The following MIA3 variants were observed in gnomAD, a reference collection of about 807,000 sequenced individuals.
MIA3 encodes the protein MIA SH3 domain ER export factor 3.
In MIA3, 90 loss-of-function variants were observed where a neutral mutation model predicts 192.4. The ratio of observed to expected loss-of-function variants is 0.47; its 90% CI spans 0.39 to 0.56. The LOEUF (loss-of-function observed/expected upper bound fraction) is 0.56. Among genes scored for constraint, MIA3 ranks in the 20% least tolerant of loss-of-function variants. The pLI is 0.00. For missense variants in MIA3, 2,123 were observed against 2,269.4 expected (o/e 0.94, Z 1.31); for synonymous variants, 740 against 792.8 (o/e 0.93, Z 1.12).
At chr1:222,651,554 T>C (rs565697531) in intron 11 of MIA3, among the ~76,000 whole-genome samples, 1 of 152,188 alleles carries the variant, frequency 6.6e-6, no homozygotes, top group African/African-American at 2.4e-5. Context: ...CTACCATTTT[T>C]AATTTAGGCA....
Position 222,651,871 on chromosome 1 carries a change from G to A in MIA3, c.3910-106G>A, listed in dbSNP as rs201194804. ...ACCTGCTTTTACCTGAAACATAGGG[G>A]ATGGCTCTGGGACATACTTTGTTGA... On this transcript the variant is annotated intron_variant, in intron 11 of 27. Coordinates refer to ENST00000344922, the MANE Select transcript of MIA3 (RefSeq NM_198551.4). 2.3e-5 allele frequency: 17 copies of A among 733,156 alleles called. No individual in the cohort carries two copies. The East Asian group carries it at 2.5e-4, about 11-fold the overall frequency. 45.4% of individuals were successfully genotyped at this position (733,156 alleles called of 1,614,324 possible).
At position 222,655,345 on chromosome 1, in the gene MIA3, A is replaced by G. The variant is rs937909276; in HGVS notation, c.4607+552A>G. ...TTTAGATAATAATCCTCTGAAATAC[A>G]TATCTCAAATTTCGAGCGAGGTACC... On this transcript the variant is annotated intron_variant, in intron 18 of 27. Transcript: ENST00000344922. Among the ~76,000 whole-genome samples, 4 of 152,228 alleles carry G rather than the reference A, an allele frequency of 2.6e-5. No homozygotes were observed. In the South Asian group the frequency reaches 6.2e-4, roughly 24 times the overall value.
intron 6 of MIA3, chr1:222,644,259 C>T: frequency 7.3e-7 from 1 of 1,369,432 alleles, no homozygotes; most frequent in Non-Finnish European, 9.5e-7. Context: ...CCTCGCCGGC[C>T]GGCTCCTTTG....
At chr1:222,635,339 G>C (rs981555190) in intron 6 of MIA3, among the ~76,000 whole-genome samples, 1 of 152,172 alleles carries the variant, frequency 6.6e-6, no homozygotes, top group Non-Finnish European at 1.5e-5. Context: ...GCCTGGGTTG[G>C]GGCATATAGG....
Position 222,632,240 on chromosome 1 carries a change from C to G in MIA3, c.3245C>G (p.Pro1082Arg). The G allele has an allele frequency of 6.2e-7, 1 of 1,614,108 alleles. No individual in the cohort carries two copies. Among genetic ancestry groups the G allele is most frequent in the South Asian group, 1.1e-5 (1 of 91,072 alleles). Residue 1082 changes from proline to arginine, a missense_variant, in exon 5 of 28, where the codon CCC (proline) becomes CGC (arginine). This residue lies in a region of MIA3 where 1,357 missense variants were observed against 1,396.1 expected (regional missense o/e 0.97). Coordinates refer to ENST00000344922, the MANE Select transcript of MIA3 (RefSeq NM_198551.4). ...AELNVQVPEE[P>R]THLDQRVIGD... Reference sequence around the variant, plus strand: ...CTTAATGTGCAGGTTCCTGAAGAACCCACCCACTTGGACCAACGTGTGATT... The same window carrying G: ...CTTAATGTGCAGGTTCCTGAAGAACGCACCCACTTGGACCAACGTGTGATT...
Position 222,628,543 on chromosome 1 carries a change from TG to T in MIA3, c.1324del (p.Asp442MetfsTer6). ...ATTATAGTGACCCTGACAATGTAGA[TG>T]ATGGTCTTTTTATTGTAGACATTCC... is the stretch of plus-strand genomic sequence containing the variant. ...TDYSDPDNVD[D>X]GLFIVDIPKT... is the part of the protein sequence containing the mutation. On this transcript the variant is annotated frameshift_variant, in exon 4 of 28. Transcript: ENST00000344922. LOFTEE classifies it high-confidence loss of function. 1 of 1,614,198 alleles carries T rather than the reference TG, an allele frequency of 6.2e-7. No homozygotes were observed. The highest frequency in any genetic ancestry group is 8.5e-7 in the Non-Finnish European group (1 of 1,180,042).
Position 222,629,008 on chromosome 1 carries a change from G to A in MIA3, c.1788G>A (p.Glu596=). ...CTAACGCATCCAGAGACAGTGTGGA[G>A]GGAGACGCTTTGGTAAATGGGGCCA... The part of the protein sequence containing the change: ...DHPNASRDSV[E]GDALVNGAKL... The change falls in exon 4 of 28, where the codon GAG becomes GAA. Residue 596 remains glutamate, a synonymous_variant. Transcript: ENST00000344922. 4 of 1,614,186 alleles carry A rather than the reference G, an allele frequency of 2.5e-6. No individual in the cohort carries two copies. Among genetic ancestry groups the A allele is most frequent in the Non-Finnish European group, 3.4e-6 (4 of 1,180,032 alleles).
chr1:222,657,978 T>C (rs1663822262), intron 18 of MIA3, among the ~76,000 whole-genome samples: 1 of 152,240 alleles, frequency 6.6e-6, no homozygotes, highest in Non-Finnish European at 1.5e-5. Context: ...CAAGGGTAAC[T>C]ACAAGTAGCA....
intron 6 of MIA3, among the ~76,000 whole-genome samples, chr1:222,639,950 CA>C (rs1455443517): frequency 6.6e-6 from 1 of 150,974 alleles, no homozygotes; most frequent in Non-Finnish European, 1.5e-5. Context: ...TTTTTGCAGA[CA>C]ACATGCATAA....
Position 222,667,675 on chromosome 1 carries a change from C to G in MIA3, c.*2056C>G, listed in dbSNP as rs1046019710. On this transcript the variant is annotated 3_prime_UTR_variant, in exon 28 of 28. Coordinates refer to ENST00000344922, the MANE Select transcript of MIA3 (RefSeq NM_198551.4). ...ATTGCACCATTTCTGCAGCAAACCC[C>G]AAAGCAGGGTGCCAATATGCAGATG... 2 of 152,282 alleles carry G rather than the reference C, an allele frequency of 1.3e-5. No homozygotes were observed. The highest frequency in any genetic ancestry group is 3.4e-3 in the Middle Eastern group (1 of 294). 9.4% of individuals were successfully genotyped at this position (152,282 alleles called of 1,614,324 possible). A position where few individuals can be genotyped will look rare whatever the true frequency, so the allele number is the denominator to read the frequency against.
Position 222,628,228 on chromosome 1 carries a change from G to C in MIA3, c.1008G>C (p.Gly336=). The C allele has an allele frequency of 6.2e-7, 1 of 1,614,058 alleles. No homozygotes were observed. The highest frequency in any genetic ancestry group is 1.1e-5 in the South Asian group (1 of 91,088). The change falls in exon 4 of 28, where the codon GGG becomes GGC. Residue 336 remains glycine, a synonymous_variant. Transcript: ENST00000344922. ...TGCCATTACTTACCTTTACAGATGG[G>C]GAAGATATGAAAACTCCAGCAAAGT... ...DELPLLTFTD[G]EDMKTPAKSG...
In MIA3 at chr1:222,652,223, A is replaced by ACT. The variant is rs1444568022; in HGVS notation, c.3982-5_3982-4insCT. On this transcript the variant is annotated splice_polypyrimidine_tract_variant and splice_region_variant and intron_variant, in intron 12 of 27. Coordinates refer to ENST00000344922, the MANE Select transcript of MIA3 (RefSeq NM_198551.4). ...TAATTCACTAATAGGAGTGTTTTGCATTAGGTTCAGATTGCACTTAATGAA... is the reference window on the plus strand; with the variant it reads ...TAATTCACTAATAGGAGTGTTTTGCACTTTAGGTTCAGATTGCACTTAATGAA... 3.1e-6 allele frequency: 5 copies of ACT among 1,606,724 alleles called. No individual in the cohort carries two copies. Among genetic ancestry groups the ACT allele is most frequent in the Non-Finnish European group, 2.6e-6 (3 of 1,173,834 alleles).
rs753091918 is a variant in MIA3 at position 222,618,165 on chromosome 1, C to A, written c.55C>A (p.Arg19=). 6.0e-6 allele frequency: 9 copies of A among 1,505,644 alleles called. 1 individual carries two copies. The highest frequency in any genetic ancestry group is 1.8e-4 in the Middle Eastern group (1 of 5,580). The allele number at this position is 1,505,644 out of a possible 1,614,324, so 93.3% of individuals were successfully genotyped here. A position where few individuals can be genotyped will look rare whatever the true frequency, so the allele number is the denominator to read the frequency against. Reference sequence around the variant, plus strand: ...GCTGCTCGTGCTCCGGCTGCCCTGGCGGGTGCCGGGCCAGCTGGACCCCAG... The same window carrying A: ...GCTGCTCGTGCTCCGGCTGCCCTGGAGGGTGCCGGGCCAGCTGGACCCCAG... ...VWLLVLRLPW[R]VPGQLDPSTG... Residue 19 remains arginine (R), a synonymous_variant, in exon 1 of 28, where the codon CGG becomes AGG. Coordinates refer to ENST00000344922, the MANE Select transcript of MIA3 (RefSeq NM_198551.4).
intron 6 of MIA3, among the ~76,000 whole-genome samples, chr1:222,638,391 G>C (rs1662720650): frequency 3.3e-5 from 5 of 152,142 alleles, no homozygotes; most frequent in Admixed American, 3.3e-4. Flanking sequence ...GGAGAAATTA[G>C]TATTTTGAGA....
intron 18 of MIA3, among the ~76,000 whole-genome samples, chr1:222,655,082 G>A (rs754628374): frequency 2.0e-5 from 3 of 152,210 alleles, no homozygotes; most frequent in Non-Finnish European, 2.9e-5. Flanking sequence ...GCCATGCCTT[G>A]TCTGTGGCTC....
intron 25 of MIA3, 36 bp downstream of exon 25, chr1:222,662,160 A>G (rs1161485844): frequency 1.9e-6 from 3 of 1,606,804 alleles, no homozygotes; most frequent in Non-Finnish European, 2.6e-6. Context: ...GTCTAAAACC[A>G]TGCAGGAAGT....
chr1:222,659,338 A>G, intron 19 of MIA3, 115 bp from the exon 20 acceptor site: 2 of 840,724 alleles, frequency 2.4e-6, no homozygotes, highest in South Asian at 1.7e-5. Context: ...TATGCTTTAT[A>G]TTTCTGGATA....
rs745843607 is a variant in MIA3 at position 222,629,388 on chromosome 1, A to G, written c.2168A>G (p.Asp723Gly). ...GPAFLSKVEE[D>G]DYPSEELLED... The stretch of plus-strand genomic sequence containing the variant: ...GCTTTCCTTTCTAAAGTAGAAGAGG[A>G]TGATTATCCCTCTGAAGAACTACTA... The change falls in exon 4 of 28, where the codon GAT becomes GGT. Residue 723 changes from aspartate to glycine, a missense_variant. By Grantham distance (94) the Asp-to-Gly change is moderately conservative. Around this residue, in one of 3 missense-constraint regions of MIA3, gnomAD observed 1,357 missense variants for 1,396.1 expected, o/e 0.97. Transcript: ENST00000344922. The G allele has an allele frequency of 8.1e-6, 13 of 1,614,206 alleles. No individual in the cohort carries two copies. The highest frequency in any genetic ancestry group is 1.1e-5 in the Non-Finnish European group (13 of 1,180,016).
chr1:222,650,887 T>TCA lies in MIA3; in HGVS notation c.3894_3895dup (p.Lys1299ThrfsTer6). On this transcript the variant is annotated frameshift_variant, in exon 11 of 28. Coordinates refer to ENST00000344922, the MANE Select transcript of MIA3 (RefSeq NM_198551.4). LOFTEE classifies it high-confidence loss of function. ...CTAGAATCTGAGAGAGAACAGAATG[T>TCA]CAAGAATCAGGACTTGGTAAGAGTT... 1.2e-6 allele frequency: 2 copies of TCA among 1,600,326 alleles called. No individual in the cohort carries two copies. The highest frequency in any genetic ancestry group is 1.7e-6 in the Non-Finnish European group (2 of 1,173,324).
Sources: gnomAD v4.1 joint callset for allele counts (sites outside exome capture counted in the v4.1 genomes callset) on GRCh38, gnomAD v4.1.1 for gene constraint, gnomAD v4.1.1 regional missense constraint, MANE v1.5 for transcripts, NCBI Gene and HGNC (gene_info 2026-07-23, HGNC 2026-07-21) for gene names.